CUX2: variants seen among roughly 807,000 people sequenced by gnomAD.
The protein encoded by CUX2 is cut like homeobox 2.
In CUX2, 40 loss-of-function variants were observed where a neutral mutation model predicts 144.8. That is an observed-to-expected ratio of 0.28 (90% confidence interval 0.21 to 0.36). The LOEUF (loss-of-function observed/expected upper bound fraction) is 0.36. CUX2 is among the 10% of genes least tolerant of loss of function. The pLI is 1.00. For missense variants in CUX2, 1,615 were observed against 1,994.0 expected (o/e 0.81, Z 3.62); for synonymous variants, 827 against 875.6 (o/e 0.94, Z 0.98).
At chr12:111,170,152 A>AT (rs1878425721) in intron 1 of CUX2, among the ~76,000 whole-genome samples, 1 of 152,164 alleles carries the variant, frequency 6.6e-6, no homozygotes, top group South Asian at 2.1e-4. Flanking sequence ...ATTAAGAACA[A>AT]TAACTGGCCA....
At chr12:111,113,688 G>T (rs573062900) in intron 1 of CUX2, among the ~76,000 whole-genome samples, 1 of 152,268 alleles carries the variant, frequency 6.6e-6, no homozygotes, top group South Asian at 2.1e-4. Flanking sequence ...CTGAGTAGCT[G>T]GTACTATGGG....
chr12:111,324,272 C>T (rs1887670182), intron 18 of CUX2, among the ~76,000 whole-genome samples: 1 of 150,712 alleles, frequency 6.6e-6, no homozygotes, highest in African/African-American at 2.4e-5. Flanking sequence ...ATCACATGAC[C>T]TGGGAGGCAG....
intron 1 of CUX2, among the ~76,000 whole-genome samples, chr12:111,194,986 CAGG>C (rs1880150406): frequency 6.6e-6 from 1 of 152,212 alleles, no homozygotes; most frequent in Non-Finnish European, 1.5e-5. Flanking sequence ...CCCAACCCTA[CAGG>C]AGATGTTCTG....
intron 12 of CUX2, 78 bp from the exon 13 acceptor site, chr12:111,308,207 G>A (rs538834772): frequency 1.1e-5 from 17 of 1,517,832 alleles, no homozygotes; most frequent in South Asian, 6.8e-5. Context: ...GAGGTAAGCC[G>A]GGTCAGTGCC....
chr12:111,126,052 G>T (rs891941569), intron 1 of CUX2, among the ~76,000 whole-genome samples: 1 of 145,876 alleles, frequency 6.9e-6, no homozygotes, highest in Admixed American at 6.7e-5. Flanking sequence ...CGTGGGGGGG[G>T]CGGATTTATT....
intron 18 of CUX2, among the ~76,000 whole-genome samples, chr12:111,328,605 TG>T (rs1339968834): frequency 6.6e-6 from 1 of 151,600 alleles, no homozygotes; most frequent in East Asian, 1.9e-4. Flanking sequence ...TGTGTGTGTG[TG>T]TGTGTGTGTG....
At position 111,233,517 on chromosome 12, in the gene CUX2, C is replaced by T. The variant is rs149526781; in HGVS notation, c.222+15580C>T. On this transcript the variant is annotated intron_variant, in intron 3 of 21. Transcript: ENST00000261726. ...GAAGATTAAAATCAACTGAATCCTA[C>T]GGCCCAGAACTGAGCAGAGGTCCTG... is the stretch of plus-strand genomic sequence containing the variant. Among the ~76,000 whole-genome samples the T allele has an allele frequency of 1.1e-4, 16 of 152,214 alleles. No homozygotes were observed. The East Asian group carries it at 2.3e-3, about 22-fold the overall frequency.
rs762466529 is a variant in CUX2, at chr12:111,217,989, C to T, written c.222+52C>T. The stretch of plus-strand genomic sequence containing the variant: ...AGAAAAGTGCCCCCAATGGCTCCCC[C>T]TCCTATCCCACCTAGAGTTGCCCAG... On this transcript the variant is annotated intron_variant, in intron 3 of 21. Transcript: ENST00000261726. 1.8e-5 allele frequency: 29 copies of T among 1,602,516 alleles called. 1 individual carries two copies. In the Admixed American group the frequency reaches 4.8e-4, roughly 27 times the overall value.
intron 3 of CUX2, among the ~76,000 whole-genome samples, chr12:111,235,823 G>A (rs961893195): frequency 6.6e-6 from 1 of 152,184 alleles, no homozygotes; most frequent in African/African-American, 2.4e-5. Flanking sequence ...GGGAAGTGGG[G>A]ATCCAGGTTG....
In CUX2 at chr12:111,282,625, T is replaced by TA. The variant is rs3061123; in HGVS notation, c.302-8769dup. On this transcript the variant is annotated intron_variant, in intron 4 of 21. Coordinates refer to ENST00000261726, the MANE Select transcript of CUX2 (RefSeq NM_015267.4). ...TGGGCAACAAGCGTGAAACTCCATC[T>TA]AAAAAAAAAAAAAAAAAAAAAAAAT... 3.6e-3 allele frequency among the ~76,000 whole-genome samples: 375 copies of TA among 104,996 alleles called. 1 individual carries two copies. The highest frequency in any genetic ancestry group is 7.8e-3 in the South Asian group (25 of 3,216). The allele number at this position is 104,996 out of a possible 152,430, so 68.9% of individuals were successfully genotyped here.
intron 1 of CUX2, among the ~76,000 whole-genome samples, chr12:111,083,720 G>T (rs1054648823): frequency 6.6e-6 from 1 of 152,140 alleles, no homozygotes; most frequent in African/African-American, 2.4e-5. Context: ...CAAACTCACA[G>T]GTAATAGAAG....
At chr12:111,311,998 C>T in intron 15 of CUX2, 102 bp from the exon 16 acceptor site, 3 of 901,514 alleles carry the variant, frequency 3.3e-6, no homozygotes. Context: ...TGGTCTGACC[C>T]TCACTCTTCT....
At chr12:111,134,620 C>CTGTGTGTGTGTGTG (rs750270262) in intron 1 of CUX2, among the ~76,000 whole-genome samples, 9 of 142,128 alleles carry the variant, frequency 6.3e-5, no homozygotes, top group African/African-American at 2.5e-4. Context: ...CTCTCTCTCT[C>CTGTGTGTGTGTGTG]TGTGTGTGTG....
intron 1 of CUX2, among the ~76,000 whole-genome samples, chr12:111,084,696 G>C (rs1872097912): frequency 6.6e-6 from 1 of 152,220 alleles, no homozygotes; most frequent in Non-Finnish European, 1.5e-5. Flanking sequence ...ATTATTTGCA[G>C]GTTCACAGGA....
chr12:111,111,754 A>G (rs1027313851), intron 1 of CUX2, among the ~76,000 whole-genome samples: 13 of 152,170 alleles, frequency 8.5e-5, no homozygotes, highest in African/African-American at 2.9e-4. Context: ...AGAAAACCCA[A>G]CAGTACAGTT....
Position 111,034,174 on chromosome 12 carries a change from C to G in CUX2, c.-4C>G. 7.1e-7 allele frequency: 1 copy of G among 1,400,164 alleles called. No individual in the cohort carries two copies. Among genetic ancestry groups the G allele is most frequent in the Non-Finnish European group, 9.5e-7 (1 of 1,047,634 alleles). The allele number at this position is 1,400,164 out of a possible 1,614,324, so 86.7% of individuals were successfully genotyped here. A position where few individuals can be genotyped will look rare whatever the true frequency, so the allele number is the denominator to read the frequency against. On this transcript the variant is annotated 5_prime_UTR_variant, in exon 1 of 22. Transcript: ENST00000261726. The surrounding 1 kb of genome is among the most constrained non-coding windows in gnomAD (Gnocchi z 4.2). ...TGTGTGTGCGCGTCTCGATAGCCCC[C>G]AAGATGGCCGCCAATGTGGGATCGA...
Position 111,348,347 on chromosome 12 carries a change from G to A in CUX2, c.*22G>A. ...CTGAAGGCAGGGTGAGGGGGCAAGG[G>A]ACATACCCTGGTAACTACCTTCCTT... is the stretch of plus-strand genomic sequence containing the variant. On this transcript the variant is annotated 3_prime_UTR_variant, in exon 22 of 22. Transcript: ENST00000261726. 6.3e-7 allele frequency: 1 copy of A among 1,587,046 alleles called. No homozygotes were observed. The highest frequency in any genetic ancestry group is 1.1e-5 in the South Asian group (1 of 88,332).
intron 3 of CUX2, among the ~76,000 whole-genome samples, 190 bp downstream of exon 3, chr12:111,218,127 C>T (rs894590616): frequency 6.6e-5 from 10 of 152,172 alleles, no homozygotes; most frequent in African/African-American, 2.2e-4. Context: ...AATTGGTTCT[C>T]TGTTCATTTT....
At chr12:111,176,039 C>CTTTTTTTTT (rs1172563784) in intron 1 of CUX2, among the ~76,000 whole-genome samples, 48 of 70,188 alleles carry the variant, frequency 6.8e-4, no homozygotes, top group Non-Finnish European at 9.7e-4. Flanking sequence ...TCTTCTTCTT[C>CTTTTTTTTT]TTTTTTTTTT....
Sources: allele counts gnomAD v4.1 joint callset (sites outside exome capture counted in the v4.1 genomes callset), GRCh38; gene constraint gnomAD v4.1.1; non-coding constraint Gnocchi (gnomAD v3.1); transcripts MANE v1.5; gene names NCBI Gene and HGNC (gene_info 2026-07-23, HGNC 2026-07-21).